Variants in DHX57 observed in about 807,000 individuals in gnomAD.
DHX57 encodes the protein putative ATP-dependent RNA helicase DHX57.
In DHX57, 105 loss-of-function variants were observed where a neutral mutation model predicts 156.2. The observed-to-expected ratio is 0.67, with a 90% CI of 0.57 to 0.79. The LOEUF is 0.79. Among genes scored for constraint, DHX57 ranks in the 30% least tolerant of loss-of-function variants. DHX57 has a pLI of 0.00. For synonymous variants in DHX57, 704 were observed against 595.6 expected, an observed-to-expected ratio of 1.18 and a Z score of -2.65; for missense variants, 1,847 against 1,661.9, an observed-to-expected ratio of 1.11 and a Z score of -1.94.
At chr2:38,871,352 T>C (rs1252100732) in intron 1 of DHX57, among the ~76,000 whole-genome samples, 1 of 152,200 alleles carries the variant, frequency 6.6e-6, no homozygotes, top group Non-Finnish European at 1.5e-5. Flanking sequence ...TGTGCTGTGC[T>C]GAGAAAATGA....
At chr2:38,834,867 G>A (rs1406122352) in intron 13 of DHX57, among the ~76,000 whole-genome samples, 2 of 152,154 alleles carry the variant, frequency 1.3e-5, no homozygotes, top group African/African-American at 2.4e-5. Context: ...AAAATCTTAC[G>A]CTTTTTGAGA....
intron 22 of DHX57, among the ~76,000 whole-genome samples, chr2:38,804,700 G>C (rs986519734): frequency 6.6e-6 from 1 of 151,098 alleles, no homozygotes; most frequent in Admixed American, 6.6e-5. Flanking sequence ...GCCTCTTCAT[G>C]CATTTCCTGG....
rs533876383 is a variant in DHX57, at chr2:38,833,647, C to T, written c.2542+4184G>A. 3.3e-4 allele frequency among the ~76,000 whole-genome samples: 50 copies of T among 152,212 alleles called. No individual in the cohort carries two copies. The South Asian group carries it at 4.3e-3, about 13-fold the overall frequency. ...AAGACAGTGAGTAAAGTAGTGATTG[C>T]TCTGTGTTTAGTACAGTAGTAGTAA... is the stretch of plus-strand genomic sequence containing the variant. On this transcript the variant is annotated intron_variant, in intron 13 of 23. Coordinates refer to ENST00000457308, the MANE Select transcript of DHX57 (RefSeq NM_198963.3).
At chr2:38,863,624 T>C (rs1664876347) in intron 2 of DHX57, 105 bp from the exon 3 acceptor site, 1 of 1,039,050 alleles carries the variant, frequency 9.6e-7, no homozygotes, top group Non-Finnish European at 1.4e-6. Flanking sequence ...GATTGTCAAG[T>C]ATCTTACAAA....
chr2:38,827,798 C>T (rs1006714412), intron 14 of DHX57, among the ~76,000 whole-genome samples: 9 of 151,946 alleles, frequency 5.9e-5, no homozygotes, highest in Non-Finnish European at 8.8e-5. Flanking sequence ...CACCTTCCCC[C>T]ACTATCTGGG....
intron 9 of DHX57, among the ~76,000 whole-genome samples, chr2:38,851,183 C>A (rs1672573364): frequency 6.6e-6 from 1 of 152,166 alleles, no homozygotes; most frequent in Non-Finnish European, 1.5e-5. Flanking sequence ...ATCTCTCTTT[C>A]TACCATATCC....
At chr2:38,846,534 C>T (rs1672295570) in intron 11 of DHX57, among the ~76,000 whole-genome samples, 1 of 149,970 alleles carries the variant, frequency 6.7e-6, no homozygotes, top group African/African-American at 2.5e-5. Context: ...AGAAGGACTG[C>T]TTGAGCCAGG....
intron 13 of DHX57, among the ~76,000 whole-genome samples, chr2:38,833,319 T>C (rs1671477532): frequency 6.6e-6 from 1 of 151,902 alleles, no homozygotes; most frequent in Admixed American, 6.6e-5. Flanking sequence ...ATTTTTGTAT[T>C]TTTAGTAGAG....
chr2:38,807,706 G>A (rs1315330649), intron 21 of DHX57, among the ~76,000 whole-genome samples: 6 of 151,404 alleles, frequency 4.0e-5, no homozygotes, highest in Non-Finnish European at 7.4e-5. Flanking sequence ...GGAGTGCAAC[G>A]GTGCAATCTC....
chr2:38,866,813 C>T (rs994673383), intron 2 of DHX57, among the ~76,000 whole-genome samples: 1 of 152,188 alleles, frequency 6.6e-6, no homozygotes, highest in Admixed American at 6.5e-5. Flanking sequence ...GTAATTCCAA[C>T]ACTATGGGAG....
At chr2:38,862,667 T>G in intron 3 of DHX57, 1 of 175,540 alleles carries the variant, frequency 5.7e-6, no homozygotes. Context: ...GGTTACACAT[T>G]AAGGAGCAAA....
Position 38,798,077 on chromosome 2 carries a change from G to GCTC in DHX57, c.*219_*221dup. 1 of 440,890 alleles carries GCTC rather than the reference G, an allele frequency of 2.3e-6. No individual in the cohort carries two copies. The highest frequency in any genetic ancestry group is 4.1e-6 in the Non-Finnish European group (1 of 245,008). The allele number at this position is 440,890 out of a possible 1,614,324, so 27.3% of individuals were successfully genotyped here. On this transcript the variant is annotated 3_prime_UTR_variant, in exon 24 of 24. Coordinates refer to ENST00000457308, the MANE Select transcript of DHX57 (RefSeq NM_198963.3). Reference sequence around the variant, plus strand: ...CAAAGACAGGCAAGCTGGGTTTTAGGCTCTCACCCTTGACACTCCAAATTG... The same window carrying GCTC: ...CAAAGACAGGCAAGCTGGGTTTTAGGCTCCTCTCACCCTTGACACTCCAAATTG...
intron 15 of DHX57, 99 bp from the exon 16 acceptor site, chr2:38,826,146 A>C (rs557128687): frequency 8.1e-7 from 1 of 1,235,318 alleles, no homozygotes; most frequent in African/African-American, 1.5e-5. Flanking sequence ...CCTCCTGTAG[A>C]GGGACACAGT....
chr2:38,874,931 A>G (rs1292895869), intron 1 of DHX57, among the ~76,000 whole-genome samples: 1 of 152,228 alleles, frequency 6.6e-6, no homozygotes, highest in Non-Finnish European at 1.5e-5. Flanking sequence ...TGAAATAACA[A>G]ATCAGTTAGA....
intron 19 of DHX57, among the ~76,000 whole-genome samples, chr2:38,817,373 G>C (rs1269161463): frequency 6.6e-6 from 1 of 151,962 alleles, no homozygotes; most frequent in Non-Finnish European, 1.5e-5. Context: ...GGAGTGCAAT[G>C]GCACAATCTC....
chr2:38,798,458 C>A lies in DHX57; in HGVS notation c.4018-16G>T, dbSNP rs1210942341. ...GTTCAGCCACCTAAAATGAAAGCTA[C>A]AATATAAGCAGTGCTTGGAGGAACA... On this transcript the variant is annotated splice_polypyrimidine_tract_variant and intron_variant, in intron 23 of 23. Coordinates refer to ENST00000457308, the MANE Select transcript of DHX57 (RefSeq NM_198963.3). 1 of 1,602,880 alleles carries A rather than the reference C, an allele frequency of 6.2e-7. No homozygotes were observed. Among genetic ancestry groups the A allele is most frequent in the Admixed American group, 1.7e-5 (1 of 57,522 alleles).
intron 9 of DHX57, among the ~76,000 whole-genome samples, chr2:38,852,356 A>G (rs1672645829): frequency 8.5e-6 from 1 of 117,372 alleles, no homozygotes; most frequent in Non-Finnish European, 1.8e-5. Context: ...TTTTTTTTTA[A>G]TGTTTTGCTT....
In DHX57 at chr2:38,826,523, C is replaced by G. The variant is rs1671093889; in HGVS notation, c.2806G>C (p.Glu936Gln). 4 of 1,613,720 alleles carry G rather than the reference C, an allele frequency of 2.5e-6. No individual in the cohort carries two copies. Among genetic ancestry groups the G allele is most frequent in the Non-Finnish European group, 3.4e-6 (4 of 1,179,730 alleles). Residue 936 changes from glutamate (E) to glutamine (Q), a missense_variant, in exon 15 of 24, where the codon GAA (glutamate) becomes CAA (glutamine). Physicochemically the swap from Glu to Gln is conservative, Grantham distance 29 (BLOSUM62 2). Coordinates refer to ENST00000457308, the MANE Select transcript of DHX57 (RefSeq NM_198963.3). ...CACCACAAGACGGAATACCTCTTTT[C>G]TTTCATTTTCCCAGAATCGATAACA... ...VYVIDSGKMK[E>Q]KRYDASKGME...
chr2:38,809,950 A>T (rs935816837), intron 21 of DHX57, among the ~76,000 whole-genome samples: 18 of 150,292 alleles, frequency 1.2e-4, no homozygotes, highest in Middle Eastern at 3.2e-3. Context: ...ATGGAGTGCA[A>T]TGATGCGATC....
Sources: allele counts gnomAD v4.1 joint callset (sites outside exome capture counted in the v4.1 genomes callset), GRCh38; gene constraint gnomAD v4.1.1; transcripts MANE v1.5; gene names NCBI Gene and HGNC (gene_info 2026-07-23, HGNC 2026-07-21).